NUP107: variants seen among roughly 807,000 people sequenced by gnomAD.
NUP107 encodes nuclear pore complex protein Nup107.
In NUP107, 101 loss-of-function variants were observed where a neutral mutation model predicts 141.0. That is an observed-to-expected ratio of 0.72 (90% confidence interval 0.61 to 0.84). The LOEUF is 0.84. Ranked by LOEUF, NUP107 falls within the 40% of genes least tolerant of loss-of-function variation. The pLI, the probability that NUP107 is intolerant of heterozygous loss-of-function variation, is 0.00. For synonymous variants in NUP107, 319 were observed against 363.9 expected (o/e 0.88, Z 1.41); for missense variants, 941 against 1,102.7 (o/e 0.85, Z 2.08).
Position 68,705,682 on chromosome 12 carries a change from C to T in NUP107, c.729+2898C>T, listed in dbSNP as rs1876543827. 4.7e-6 allele frequency: 3 copies of T among 633,690 alleles called. No individual in the cohort carries two copies. In the East Asian group the frequency reaches 9.7e-5, roughly 21 times the overall value. The allele number at this position is 633,690 out of a possible 1,614,324, so 39.3% of individuals were successfully genotyped here. ...GTCCTTCAAGGTGTCCAACTCTGGC[C>T]CAAGGGCCTTCAGTAGCCATTCCTA... On this transcript the variant is annotated intron_variant, in intron 8 of 27. Coordinates refer to ENST00000229179, the MANE Select transcript of NUP107 (RefSeq NM_020401.4).
At chr12:68,727,152 G>C (rs1468591851) in intron 19 of NUP107, among the ~76,000 whole-genome samples, 199 bp from the exon 20 acceptor site, 2 of 152,208 alleles carry the variant, frequency 1.3e-5, no homozygotes, top group South Asian at 4.1e-4. Context: ...AACAATAATA[G>C]TAACTACCCA....
intron 10 of NUP107, among the ~76,000 whole-genome samples, chr12:68,713,058 A>C (rs1052122804): frequency 6.6e-6 from 1 of 152,042 alleles, no homozygotes. Context: ...GACTTTATCA[A>C]AATTAAAAAT....
Position 68,691,970 on chromosome 12 carries a change from T to C in NUP107, c.306T>C (p.Val102=). The C allele has an allele frequency of 6.3e-6, 10 of 1,592,332 alleles. No individual in the cohort carries two copies. Among genetic ancestry groups the C allele is most frequent in the Non-Finnish European group, 8.5e-6 (10 of 1,174,350 alleles). ...TTACTTTTTTGTTTTTTTTTAAGGT[T>C]ACTAATCTGGATGACAGTAACTGGG... ...SSGFFGNLSM[V]TNLDDSNWAA... is the part of the protein sequence containing the mutation. The change falls in exon 5 of 28, where the codon GTT becomes GTC. Residue 102 remains valine, a splice_region_variant and synonymous_variant. Coordinates refer to ENST00000229179, the MANE Select transcript of NUP107 (RefSeq NM_020401.4).
At chr12:68,729,987 G>C (rs1877746800) in intron 20 of NUP107, among the ~76,000 whole-genome samples, 1 of 151,178 alleles carries the variant, frequency 6.6e-6, no homozygotes, top group South Asian at 2.1e-4. Flanking sequence ...TTAGAGATAG[G>C]ATGTTGTTCT....
intron 8 of NUP107, among the ~76,000 whole-genome samples, chr12:68,708,973 C>G (rs970821004): frequency 6.6e-6 from 1 of 152,088 alleles, no homozygotes; most frequent in African/African-American, 2.4e-5. Context: ...AAAACACCAT[C>G]TCTGGGAAAA....
At chr12:68,690,788 T>G in intron 4 of NUP107, 42 bp downstream of exon 4, 1 of 1,599,518 alleles carries the variant, frequency 6.3e-7, no homozygotes, top group Non-Finnish European at 8.6e-7. Context: ...TTGGGTCGAG[T>G]GTGGTGGCTC....
At chr12:68,731,319 G>T (rs929101771) in intron 21 of NUP107, 59 bp downstream of exon 21, 64 of 1,487,340 alleles carry the variant, frequency 4.3e-5, no homozygotes, top group Non-Finnish European at 5.7e-5. Context: ...CATTTTGGCT[G>T]TAGTAACATT....
intron 3 of NUP107, among the ~76,000 whole-genome samples, chr12:68,690,248 G>A (rs1442511591): frequency 6.6e-6 from 1 of 151,450 alleles, no homozygotes; most frequent in East Asian, 2.0e-4. Context: ...TGTAAATAAT[G>A]GAACTGGGAT....
intron 3 of NUP107, 130 bp downstream of exon 3, chr12:68,689,749 A>G: frequency 1.5e-6 from 1 of 650,656 alleles, no homozygotes; most frequent in Non-Finnish European, 2.6e-6. Flanking sequence ...GATTGCAGTT[A>G]TTATTCGTTT....
chr12:68,716,582 C>G lies in NUP107; in HGVS notation c.1083+842C>G, dbSNP rs147502932. The stretch of plus-strand genomic sequence containing the variant: ...TTTTCAGAGTTTAGAATAAACCTAA[C>G]CCTAATTCTAGGTGATACTATTTAG... On this transcript the variant is annotated intron_variant, in intron 12 of 27. Coordinates refer to ENST00000229179, the MANE Select transcript of NUP107 (RefSeq NM_020401.4). Among the ~76,000 whole-genome samples, 1,153 of 152,238 alleles carry G rather than the reference C, an allele frequency of 7.6e-3. 13 individuals are homozygous for G. Among genetic ancestry groups the G allele is most frequent in the African/African-American group, 0.026 (1,071 of 41,544 alleles).
chr12:68,734,888 T>C, intron 25 of NUP107, 55 bp downstream of exon 25: 1 of 1,565,020 alleles, frequency 6.4e-7, no homozygotes, highest in South Asian at 1.2e-5. Flanking sequence ...ATGTGTGTTG[T>C]ATATTTAAAG....
chr12:68,718,625 G>A (rs1419603895), intron 12 of NUP107, among the ~76,000 whole-genome samples: 1 of 151,910 alleles, frequency 6.6e-6, no homozygotes, highest in Non-Finnish European at 1.5e-5. Context: ...AACAGAAAAG[G>A]GATTTTTTAG....
At chr12:68,711,535 C>CA (rs36048355) in intron 10 of NUP107, among the ~76,000 whole-genome samples, 36,976 of 124,204 alleles carry the variant, frequency 0.3, 5,464 homozygotes, top group Non-Finnish European at 0.38. Context: ...GACTCCACCT[C>CA]AAAAAAAAAA....
chr12:68,734,385 C>T (rs1293483938), intron 24 of NUP107, among the ~76,000 whole-genome samples: 1 of 152,158 alleles, frequency 6.6e-6, no homozygotes, highest in African/African-American at 2.4e-5. Context: ...CCTATCCTTG[C>T]CCTCTAAAAA....
rs762116120 is a variant in NUP107 at position 68,725,715 on chromosome 12, C to CT, written c.1507-4dup. 44 of 1,415,990 alleles carry CT rather than the reference C, an allele frequency of 3.1e-5. No individual in the cohort carries two copies. The highest frequency in any genetic ancestry group is 6.4e-5 in the Admixed American group (3 of 47,030). 87.7% of individuals were successfully genotyped at this position (1,415,990 alleles called of 1,614,324 possible). On this transcript the variant is annotated splice_polypyrimidine_tract_variant and intron_variant, in intron 17 of 27. Coordinates refer to ENST00000229179, the MANE Select transcript of NUP107 (RefSeq NM_020401.4). ...TAGAAGATTTATGGAAAATTAAAAA[C>CT]TTTTTTTTCAGAGAGTTCTGGAAGA...
At position 68,726,736 on chromosome 12, in the gene NUP107, C is replaced by A. The variant is rs982406477; in HGVS notation, c.1695+119C>A. 4 of 715,088 alleles carry A rather than the reference C, an allele frequency of 5.6e-6. No individual in the cohort carries two copies. The African/African-American group carries it at 7.1e-5, about 13-fold the overall frequency. 44.3% of individuals were successfully genotyped at this position (715,088 alleles called of 1,614,324 possible). On this transcript the variant is annotated intron_variant, in intron 19 of 27. Transcript: ENST00000229179. ...GAAATGGTGATAAGGAATCAAAAGT[C>A]TTCCATATAGTCTTGTATAGTCACT...
At chr12:68,690,104 C>T (rs1453117980) in intron 3 of NUP107, among the ~76,000 whole-genome samples, 34 of 151,352 alleles carry the variant, frequency 2.2e-4, no homozygotes, top group Non-Finnish European at 5.9e-5. Context: ...TGCTTGAACC[C>T]GGAAGGCAGA....
intron 7 of NUP107, 25 bp downstream of exon 7, chr12:68,700,878 T>A: frequency 3.9e-6 from 6 of 1,541,638 alleles, no homozygotes; most frequent in Non-Finnish European, 5.2e-6. Context: ...AATTCATAAG[T>A]GAAATAAACA....
intron 1 of NUP107, 62 bp downstream of exon 1, chr12:68,687,135 A>C: frequency 6.2e-7 from 1 of 1,607,774 alleles, no homozygotes; most frequent in Middle Eastern, 1.7e-4. Context: ...TGGCGAAACG[A>C]AATAGGTGAA....
Sources: gnomAD v4.1 joint callset for allele counts (sites outside exome capture counted in the v4.1 genomes callset) on GRCh38, gnomAD v4.1.1 for gene constraint, MANE v1.5 for transcripts, NCBI Gene and HGNC (gene_info 2026-07-23, HGNC 2026-07-21) for gene names.